The following ERBB4 variants were observed in gnomAD, a reference collection of about 807,000 sequenced individuals.
ERBB4 encodes erb-b2 receptor tyrosine kinase 4.
Under a neutral mutation model 158.0 loss-of-function variants are expected in ERBB4, and 42 were observed. That is an observed-to-expected ratio of 0.27 (90% CI 0.21 to 0.34). The LOEUF (loss-of-function observed/expected upper bound fraction) is 0.34. Among genes scored for constraint, ERBB4 ranks in the 10% least tolerant of loss-of-function variants. The pLI, the probability that ERBB4 is intolerant of heterozygous loss-of-function variation, is 1.00. For synonymous variants in ERBB4, 583 were observed against 558.7 expected (o/e 1.04, Z -0.61); for missense variants, 1,333 against 1,624.1 (o/e 0.82, Z 3.08).
chr2:211,515,050 T>C (rs1010070020), intron 20 of ERBB4, among the ~76,000 whole-genome samples: 2 of 152,156 alleles, frequency 1.3e-5, no homozygotes, highest in African/African-American at 4.8e-5. Context: ...AGGCTTCATA[T>C]AGCAGGTTAG....
At chr2:211,767,716 C>G (rs35720933) in intron 4 of ERBB4, among the ~76,000 whole-genome samples, 22,305 of 152,044 alleles carry the variant, frequency 0.15, 1,848 homozygotes, top group South Asian at 0.33. Flanking sequence ...TCACTATCAC[C>G]ACAGCAGCAT....
intron 5 of ERBB4, among the ~76,000 whole-genome samples, chr2:211,735,600 T>C (rs899164760): frequency 2.0e-5 from 3 of 151,986 alleles, no homozygotes; most frequent in Admixed American, 6.6e-5. Context: ...TGAGTGATGA[T>C]AATGAAAACT....
At chr2:211,939,390 ATT>A (rs550998240) in intron 3 of ERBB4, among the ~76,000 whole-genome samples, 1 of 146,738 alleles carries the variant, frequency 6.8e-6, no homozygotes, top group African/African-American at 2.5e-5. Flanking sequence ...TCTGAAACAG[ATT>A]TTTTTTTTTT....
intron 4 of ERBB4, among the ~76,000 whole-genome samples, chr2:211,773,631 T>TATATATATATATATA (rs2075786625): frequency 1.1e-5 from 1 of 91,262 alleles, no homozygotes; most frequent in African/African-American, 7.0e-5. Context: ...TATATATATA[T>TATATATATATATATA]ATATATATAT....
At chr2:211,439,741 G>T (rs577264706) in intron 20 of ERBB4, among the ~76,000 whole-genome samples, 6 of 152,224 alleles carry the variant, frequency 3.9e-5, no homozygotes, top group Admixed American at 2.0e-4. Context: ...CATATACAAA[G>T]GATTTAGAAC....
chr2:212,016,588 C>A (rs1407185024), intron 2 of ERBB4, among the ~76,000 whole-genome samples: 1 of 151,796 alleles, frequency 6.6e-6, no homozygotes, highest in Non-Finnish European at 1.5e-5. Flanking sequence ...TTTTTAAGTA[C>A]AATTGGTTTT....
chr2:211,763,260 C>G (rs1426662855), intron 4 of ERBB4, among the ~76,000 whole-genome samples: 1 of 152,140 alleles, frequency 6.6e-6, no homozygotes, highest in African/African-American at 2.4e-5. Context: ...TTCTGATAAT[C>G]TGTGTGTAGT....
At chr2:212,321,334 G>T (rs1446563409) in intron 1 of ERBB4, among the ~76,000 whole-genome samples, 1 of 150,390 alleles carries the variant, frequency 6.6e-6, no homozygotes, top group Admixed American at 6.6e-5. Flanking sequence ...CCAAATACAT[G>T]TTTTTGTAGA....
chr2:212,294,635 T>TA (rs1445633694), intron 1 of ERBB4, among the ~76,000 whole-genome samples: 29 of 152,166 alleles, frequency 1.9e-4, no homozygotes, highest in Admixed American at 1.0e-3. Context: ...AAACTATACT[T>TA]ACAATATAAA....
At chr2:212,363,619 T>C (rs1318387496) in intron 1 of ERBB4, among the ~76,000 whole-genome samples, 1 of 151,174 alleles carries the variant, frequency 6.6e-6, no homozygotes, top group Middle Eastern at 3.2e-3. Flanking sequence ...TGACAGCAAA[T>C]ACACCTAAGG....
chr2:211,561,633 A>G, intron 20 of ERBB4: 1 of 460,886 alleles, frequency 2.2e-6, no homozygotes, highest in Non-Finnish European at 4.0e-6. Flanking sequence ...AATCCAGTAT[A>G]ACAATTCCTC....
chr2:211,460,702 T>A (rs1265078412), intron 20 of ERBB4, among the ~76,000 whole-genome samples: 1 of 152,186 alleles, frequency 6.6e-6, no homozygotes, highest in Non-Finnish European at 1.5e-5. Flanking sequence ...GCTTCCTATG[T>A]AATTGATACA....
intron 5 of ERBB4, among the ~76,000 whole-genome samples, chr2:211,739,369 T>C (rs1421097808): frequency 6.6e-6 from 1 of 152,206 alleles, no homozygotes; most frequent in African/African-American, 2.4e-5. Flanking sequence ...TCTGAACCAG[T>C]TATACACTGT....
intron 2 of ERBB4, among the ~76,000 whole-genome samples, chr2:212,108,209 A>G (rs2079289815): frequency 1.3e-5 from 2 of 152,174 alleles, no homozygotes; most frequent in Admixed American, 1.3e-4. Flanking sequence ...AGCACGAGCA[A>G]AAACAATAGG....
At chr2:212,058,669 A>G (rs977837502) in intron 2 of ERBB4, among the ~76,000 whole-genome samples, 1 of 152,208 alleles carries the variant, frequency 6.6e-6, no homozygotes, top group Non-Finnish European at 1.5e-5. Context: ...ACAGCATATA[A>G]AAAGAACTAA....
intron 1 of ERBB4, among the ~76,000 whole-genome samples, chr2:212,160,493 C>G (rs2081170962): frequency 6.6e-6 from 1 of 151,906 alleles, no homozygotes; most frequent in African/African-American, 2.4e-5. Context: ...CACAAAAAGT[C>G]TTATAAATGT....
intron 10 of ERBB4, among the ~76,000 whole-genome samples, chr2:211,704,899 CT>C (rs2073380006): frequency 6.6e-6 from 1 of 152,060 alleles, no homozygotes; most frequent in African/African-American, 2.4e-5. Flanking sequence ...CTAAAATCTG[CT>C]TTGAAAATTA....
intron 1 of ERBB4, among the ~76,000 whole-genome samples, chr2:212,172,926 T>A (rs956150182): frequency 2.0e-5 from 3 of 152,234 alleles, no homozygotes; most frequent in African/African-American, 7.2e-5. Context: ...CCTGCACATG[T>A]ATCCCTGAAC....
rs770344576 is a variant in ERBB4 at position 211,395,113 on chromosome 2, T to C, written c.3136-7121A>G. 5.9e-4 allele frequency among the ~76,000 whole-genome samples: 89 copies of C among 152,118 alleles called. 1 individual carries two copies. The highest frequency in any genetic ancestry group is 1.2e-3 in the Non-Finnish European group (79 of 67,920). On this transcript the variant is annotated intron_variant, in intron 25 of 27. Coordinates refer to ENST00000342788, the MANE Select transcript of ERBB4 (RefSeq NM_005235.3). ...CATTAAAGCAAAGTATCTTATAAAG[T>C]TTTCTCTCATAAATCTTTTCAAAGT...
Sources: gnomAD v4.1 joint callset for allele counts (sites outside exome capture counted in the v4.1 genomes callset) on GRCh38, gnomAD v4.1.1 for gene constraint, MANE v1.5 for transcripts, NCBI Gene and HGNC (gene_info 2026-07-23, HGNC 2026-07-21) for gene names.